Variants in HK1 observed in about 807,000 individuals in gnomAD.
The protein encoded by HK1 is hexokinase-1.
Under a neutral mutation model 91.6 loss-of-function variants are expected in HK1, and 28 were observed. That is an observed-to-expected ratio of 0.31 (90% CI 0.23 to 0.42). The LOEUF (loss-of-function observed/expected upper bound fraction) is 0.42. Ranked by LOEUF, HK1 falls within the 10% of genes least tolerant of loss-of-function variation. The pLI, the probability that HK1 is intolerant of heterozygous loss-of-function variation, is 1.00. For missense variants in HK1, 770 were observed against 1,219.8 expected, an observed-to-expected ratio of 0.63 and a Z score of 5.49; for synonymous variants, 430 against 468.1, an observed-to-expected ratio of 0.92 and a Z score of 1.05.
At chr10:69,341,651 C>T (rs187175263) in intron 1 of HK1, among the ~76,000 whole-genome samples, 6 of 151,874 alleles carry the variant, frequency 4.0e-5, no homozygotes, top group African/African-American at 1.4e-4. Flanking sequence ...TTTGTAGAGA[C>T]AGGGTTGTTG....
At chr10:69,385,597 G>A (rs1839594479) in intron 12 of HK1, among the ~76,000 whole-genome samples, 1 of 152,198 alleles carries the variant, frequency 6.6e-6, no homozygotes, top group Non-Finnish European at 1.5e-5. Flanking sequence ...GGTAGCTCTG[G>A]GTGTCACAGG....
At chr10:69,351,245 C>T (rs1054709960) in intron 2 of HK1, among the ~76,000 whole-genome samples, 2 of 151,790 alleles carry the variant, frequency 1.3e-5, no homozygotes, top group African/African-American at 4.8e-5. Context: ...CGGTGGCTCA[C>T]GCCTATAATC....
At chr10:69,372,173 A>C (rs1185433710) in intron 7 of HK1, among the ~76,000 whole-genome samples, 2 of 152,206 alleles carry the variant, frequency 1.3e-5, no homozygotes, top group Non-Finnish European at 2.9e-5. Context: ...ATTGCGTGGG[A>C]AAGACTTGCT....
intron 2 of HK1, among the ~76,000 whole-genome samples, chr10:69,349,290 G>C (rs2132708485): frequency 6.6e-6 from 1 of 152,300 alleles, no homozygotes; most frequent in South Asian, 2.1e-4. Flanking sequence ...ATTTCCTCAT[G>C]GGTAAAATGG....
chr10:69,328,179 A>G (rs532973299), intron 1 of HK1, among the ~76,000 whole-genome samples: 21 of 152,244 alleles, frequency 1.4e-4, no homozygotes, highest in African/African-American at 4.8e-4. Flanking sequence ...GTAAAAGGAG[A>G]GGGTGGCTGT....
intron 2 of HK1, among the ~76,000 whole-genome samples, chr10:69,286,471 G>A (rs1845037790): frequency 1.3e-5 from 2 of 152,286 alleles, no homozygotes; most frequent in South Asian, 4.2e-4. Flanking sequence ...TCCAGCCCAG[G>A]TGACAGAGCA....
At chr10:69,379,209 G>A (rs1485674438) in intron 8 of HK1, among the ~76,000 whole-genome samples, 1 of 151,986 alleles carries the variant, frequency 6.6e-6, no homozygotes, top group Non-Finnish European at 1.5e-5. Flanking sequence ...GAAGTCAACT[G>A]TATTTCTATC....
In HK1 at chr10:69,351,933, A is replaced by G. The variant is rs187240067; in HGVS notation, c.226+7944A>G. ...GATGGTCAAATAAAATGTTTCTGAT[A>G]TTCTAGTGACTCACCTGCGAGGAGC... is the stretch of plus-strand genomic sequence containing the variant. On this transcript the variant is annotated intron_variant, in intron 2 of 17. Coordinates refer to ENST00000359426, the MANE Select transcript of HK1 (RefSeq NM_000188.3). 1.7e-3 allele frequency among the ~76,000 whole-genome samples: 254 copies of G among 152,236 alleles called. 2 individuals carry two copies. The highest frequency in any genetic ancestry group is 2.7e-3 in the Admixed American group (42 of 15,290).
intron 1 of HK1, among the ~76,000 whole-genome samples, chr10:69,328,108 G>C (rs990946241): frequency 6.6e-6 from 1 of 152,160 alleles, no homozygotes; most frequent in South Asian, 2.1e-4. Context: ...TATCTGTTGC[G>C]TAAATGTGCC....
At chr10:69,318,293 C>T (rs903209336), upstream of HK1, 88 of 890,856 alleles carry the variant, frequency 9.9e-5, no homozygotes, top group Non-Finnish European at 1.1e-4. Flanking sequence ...GCGAGGACTG[C>T]GTAGCGTCCC....
chr10:69,389,806 T>C (rs7913579), intron 14 of HK1, among the ~76,000 whole-genome samples: 45,046 of 152,084 alleles, frequency 0.3, 7,425 homozygotes, highest in South Asian at 0.46. Context: ...TGTGTGCGCA[T>C]GGTCCCAGCC....
chr10:69,318,235 G>C (rs1246714853), upstream of HK1: 6 of 985,280 alleles, frequency 6.1e-6, no homozygotes, highest in African/African-American at 1.7e-5. Context: ...TGAAGACCCA[G>C]GTAGGCCGGT....
intron 2 of HK1, among the ~76,000 whole-genome samples, chr10:69,349,147 A>G (rs1000880328): frequency 1.3e-5 from 2 of 152,342 alleles, no homozygotes; most frequent in South Asian, 2.1e-4. Flanking sequence ...GAGGAAACCT[A>G]TTACTGCAGA....
At chr10:69,287,283 G>A (rs1210756511) in intron 2 of HK1, among the ~76,000 whole-genome samples, 1 of 152,096 alleles carries the variant, frequency 6.6e-6, no homozygotes, top group African/African-American at 2.4e-5. Context: ...GGGTGAAGGG[G>A]GAAGAGCCTC....
intron 17 of HK1, among the ~76,000 whole-genome samples, chr10:69,400,021 G>C (rs1415858585): frequency 6.6e-6 from 1 of 152,180 alleles, no homozygotes; most frequent in Non-Finnish European, 1.5e-5. Context: ...ACACAGGAGT[G>C]GTTTAGAGCT....
In HK1 at chr10:69,369,746, AT is replaced by A. The variant is rs373505118; in HGVS notation, c.875+132del. 4,655 of 875,194 alleles carry A rather than the reference AT, an allele frequency of 5.3e-3. No homozygotes were observed. Among genetic ancestry groups the A allele is most frequent in the Non-Finnish European group, 6.0e-3 (3,476 of 576,142 alleles). 54.2% of individuals were successfully genotyped at this position (875,194 alleles called of 1,614,324 possible). On this transcript the variant is annotated intron_variant, in intron 7 of 17. Coordinates refer to ENST00000359426, the MANE Select transcript of HK1 (RefSeq NM_000188.3). The surrounding 1 kb of genome is among the most constrained non-coding windows in gnomAD (Gnocchi z 4.4). ...GATCACAAACAGAAAAGCCTGTCAC[AT>A]TTTTTTTTTGAGGCGGAGTCTTGCT...
chr10:69,366,481 G>C (rs1430560311), intron 4 of HK1, among the ~76,000 whole-genome samples: 1 of 152,138 alleles, frequency 6.6e-6, no homozygotes, highest in Admixed American at 6.5e-5. Flanking sequence ...GAGCACAGCA[G>C]GCCAAGATGA....
At chr10:69,334,084 G>A (rs1564519984) in intron 1 of HK1, among the ~76,000 whole-genome samples, 1 of 152,156 alleles carries the variant, frequency 6.6e-6, no homozygotes, top group Non-Finnish European at 1.5e-5. Context: ...GTACTCTCCA[G>A]CCTGGTGACA....
chr10:69,401,419 T>C lies in HK1; in HGVS notation c.*284T>C, dbSNP rs369926762. On this transcript the variant is annotated 3_prime_UTR_variant, in exon 18 of 18. Transcript: ENST00000359426. ...GAAGTGTAGTGGCATCCATTTCTAA[T>C]GTATGCATTCATCCAACAGAGTTAT... is the stretch of plus-strand genomic sequence containing the variant. 3 of 524,848 alleles carry C rather than the reference T, an allele frequency of 5.7e-6. No individual in the cohort carries two copies. The highest frequency in any genetic ancestry group is 3.4e-5 in the East Asian group (1 of 29,180). 32.5% of individuals were successfully genotyped at this position (524,848 alleles called of 1,614,324 possible).
Sources: allele counts gnomAD v4.1 joint callset (sites outside exome capture counted in the v4.1 genomes callset), GRCh38; gene constraint gnomAD v4.1.1; non-coding constraint Gnocchi (gnomAD v3.1); transcripts MANE v1.5; gene names NCBI Gene and HGNC (gene_info 2026-07-23, HGNC 2026-07-21).